CHST15: variants seen among roughly 807,000 people sequenced by gnomAD.
CHST15 encodes the protein carbohydrate sulfotransferase 15, also known as B cell RAG associated protein (GALNAC4S-6ST).
CHST15 carries 30 observed loss-of-function variants against 53.6 expected under a neutral mutation model. The ratio of observed to expected loss-of-function variants is 0.56; its 90% CI spans 0.42 to 0.76. The LOEUF (loss-of-function observed/expected upper bound fraction) is 0.76. Ranked by LOEUF, CHST15 falls within the 30% of genes least tolerant of loss-of-function variation. The pLI is 0.00. For synonymous variants in CHST15, 296 were observed against 289.8 expected (o/e 1.02, Z -0.22); for missense variants, 627 against 740.5 (o/e 0.85, Z 1.78).
chr10:124,022,863 C>T, intron 5 of CHST15, among the ~76,000 whole-genome samples: 1 of 141,558 alleles, frequency 7.1e-6, no homozygotes, highest in African/African-American at 2.7e-5. Context: ...GTCCCCCAGG[C>T]TGGAGTACAG....
chr10:124,069,628 G>A (rs1307857582), intron 1 of CHST15, among the ~76,000 whole-genome samples: 1 of 152,184 alleles, frequency 6.6e-6, no homozygotes, highest in Non-Finnish European at 1.5e-5. Context: ...CGGTTTCACA[G>A]TTTTAAAAAT....
Position 124,021,242 on chromosome 10 carries a change from G to A in CHST15, c.1347+14C>T, listed in dbSNP as rs75589650. On this transcript the variant is annotated intron_variant, in intron 6 of 7. Coordinates refer to ENST00000435907, the MANE Select transcript of CHST15 (RefSeq NM_001270764.2). ...GGGGCCAGCTCGGGGGGTACGGGGGGGGGGGGTACACACAGGCATGGCGTT... is the reference window on the plus strand; with the variant it reads ...GGGGCCAGCTCGGGGGGTACGGGGGAGGGGGGTACACACAGGCATGGCGTT... 45 of 1,555,088 alleles carry A rather than the reference G, an allele frequency of 2.9e-5. 1 individual carries two copies. The highest frequency in any genetic ancestry group is 3.4e-4 in the Middle Eastern group (2 of 5,896).
intron 1 of CHST15, among the ~76,000 whole-genome samples, chr10:124,083,702 C>T (rs903022913): frequency 6.6e-6 from 1 of 152,188 alleles, no homozygotes; most frequent in Non-Finnish European, 1.5e-5. Context: ...TTTCTTCCCC[C>T]TCATTTATTC....
chr10:124,020,154 G>A lies in CHST15; in HGVS notation c.1347+1102C>T, dbSNP rs943792670. 6.1e-6 allele frequency: 6 copies of A among 985,388 alleles called. No individual in the cohort carries two copies. The East Asian group carries it at 5.7e-4, about 93-fold the overall frequency. The allele number at this position is 985,388 out of a possible 1,614,324, so 61.0% of individuals were successfully genotyped here. On this transcript the variant is annotated intron_variant, in intron 6 of 7. Transcript: ENST00000435907. ...CCAGCGTCATGCAGGGGACATAGTGGCAAGAATGAACGCAGGAATGCAAGA... is the reference window on the plus strand; with the variant it reads ...CCAGCGTCATGCAGGGGACATAGTGACAAGAATGAACGCAGGAATGCAAGA...
At chr10:124,030,632 A>G (rs1947190007) in intron 5 of CHST15, among the ~76,000 whole-genome samples, 1 of 152,230 alleles carries the variant, frequency 6.6e-6, no homozygotes, top group Non-Finnish European at 1.5e-5. Flanking sequence ...TGAATCCCTC[A>G]GTGCTAGGAA....
chr10:124,076,502 C>T (rs1724983989), intron 1 of CHST15, among the ~76,000 whole-genome samples: 2 of 152,178 alleles, frequency 1.3e-5, no homozygotes, highest in African/African-American at 4.8e-5. Flanking sequence ...TCCCAGCACA[C>T]CAAGGTGATT....
Position 124,045,757 on chromosome 10 carries a change from A to G in CHST15, c.456T>C (p.Ile152=). ...NISYMKDYPS[I]KLIINSITTR... The stretch of plus-strand genomic sequence containing the variant: ...TTGTGATGCTGTTGATAATTAATTT[A>G]ATGCTTGGATAGTCCTTCATGTATG... Residue 152 remains isoleucine (I), a synonymous_variant, in exon 2 of 8, where the codon ATT becomes ATC. Coordinates refer to ENST00000435907, the MANE Select transcript of CHST15 (RefSeq NM_001270764.2). 6.2e-7 allele frequency: 1 copy of G among 1,614,126 alleles called. No homozygotes were observed. Among genetic ancestry groups the G allele is most frequent in the Non-Finnish European group, 8.5e-7 (1 of 1,180,020 alleles).
At position 124,036,119 on chromosome 10, in the gene CHST15, G is replaced by A. The variant is rs534701766; in HGVS notation, c.1190+2396C>T. On this transcript the variant is annotated intron_variant, in intron 5 of 7. Coordinates refer to ENST00000435907, the MANE Select transcript of CHST15 (RefSeq NM_001270764.2). This position sits in a 1 kb window ranked among gnomAD's most constrained non-coding sequence, Gnocchi z 5.1. ...TTTGATGAGCACACCGAGCACTTGC[G>A]CCCTTCAGCTGGGGGCCGTGTCGGG... 2.0e-5 allele frequency among the ~76,000 whole-genome samples: 3 copies of A among 152,346 alleles called. No homozygotes were observed. The highest frequency in any genetic ancestry group is 7.2e-5 in the African/African-American group (3 of 41,574).
At chr10:124,070,308 T>C (rs753385343) in intron 1 of CHST15, among the ~76,000 whole-genome samples, 2 of 152,226 alleles carry the variant, frequency 1.3e-5, no homozygotes, top group Non-Finnish European at 2.9e-5. Flanking sequence ...AAGGTCAACA[T>C]GAAGGCCATA....
chr10:124,056,633 G>A (rs570906005), intron 1 of CHST15, among the ~76,000 whole-genome samples: 36 of 152,352 alleles, frequency 2.4e-4, no homozygotes, highest in African/African-American at 7.7e-4. Context: ...CTTTGCAGCT[G>A]AGACAATGGA....
chr10:124,062,520 C>T (rs922013290), intron 1 of CHST15, among the ~76,000 whole-genome samples: 2 of 152,158 alleles, frequency 1.3e-5, no homozygotes, highest in African/African-American at 4.8e-5. Flanking sequence ...GCAGTACCGA[C>T]CCCATGGACA....
intron 1 of CHST15, among the ~76,000 whole-genome samples, chr10:124,071,930 C>T (rs1172534075): frequency 6.6e-6 from 1 of 152,248 alleles, no homozygotes; most frequent in Non-Finnish European, 1.5e-5. Context: ...GCTTGTCCAG[C>T]TCCTCAGAGA....
intron 1 of CHST15, among the ~76,000 whole-genome samples, chr10:124,090,770 C>G (rs751984041): frequency 2.0e-5 from 3 of 152,216 alleles, no homozygotes; most frequent in Non-Finnish European, 4.4e-5. Context: ...TCAGACATGG[C>G]GAGCTTTGAT....
At chr10:124,051,852 C>T (rs1948211806) in intron 1 of CHST15, among the ~76,000 whole-genome samples, 1 of 152,148 alleles carries the variant, frequency 6.6e-6, no homozygotes, top group Non-Finnish European at 1.5e-5. Context: ...TAATTGAATG[C>T]CCCCTCAGTG....
At position 124,044,817 on chromosome 10, in the gene CHST15, A is replaced by AGTTGGTGAGGTAGGG; in HGVS notation, c.634_648dup (p.Pro212_Asn216dup). Reference sequence around the variant, plus strand: ...AAGCGCTTGGAGTAGAGCACGTAGGAGTTGGTGAGGTAGGGGTCGGTGGTG... The same window carrying AGTTGGTGAGGTAGGG: ...AAGCGCTTGGAGTAGAGCACGTAGGAGTTGGTGAGGTAGGGGTTGGTGAGGTAGGGGTCGGTGGTG... On this transcript the variant is annotated inframe_insertion, in exon 3 of 8. Coordinates refer to ENST00000435907, the MANE Select transcript of CHST15 (RefSeq NM_001270764.2). 2 of 1,588,092 alleles carry AGTTGGTGAGGTAGGG rather than the reference A, an allele frequency of 1.3e-6. No individual in the cohort carries two copies. The highest frequency in any genetic ancestry group is 1.1e-5 in the South Asian group (1 of 88,452).
At chr10:124,032,594 C>T (rs574307679) in intron 5 of CHST15, among the ~76,000 whole-genome samples, 99 of 152,276 alleles carry the variant, frequency 6.5e-4, no homozygotes, top group African/African-American at 2.2e-3. Context: ...TAGTCTTTAC[C>T]ACTTACGAAT....
intron 5 of CHST15, among the ~76,000 whole-genome samples, chr10:124,038,210 G>A (rs568262406): frequency 9.2e-5 from 14 of 151,540 alleles, no homozygotes; most frequent in African/African-American, 2.7e-4. Context: ...GGATTCAAGC[G>A]ATTCTCCTGC....
intron 5 of CHST15, among the ~76,000 whole-genome samples, chr10:124,028,364 TG>T (rs1191897316): frequency 6.6e-6 from 1 of 152,236 alleles, no homozygotes; most frequent in African/African-American, 2.4e-5. Flanking sequence ...TGGAGAACTC[TG>T]CAGGACCTGG....
rs141388940 is a variant in CHST15 at position 124,040,679 on chromosome 10, A to G, written c.1033+1622T>C. On this transcript the variant is annotated intron_variant, in intron 4 of 7. Coordinates refer to ENST00000435907, the MANE Select transcript of CHST15 (RefSeq NM_001270764.2). ...AGAACTGACCTGGTCCAACAATCCC[A>G]CTTTGCAGAGGTGCAGACAGAGTCC... Among the ~76,000 whole-genome samples the G allele has an allele frequency of 5.5e-3, 841 of 152,308 alleles. 9 individuals carry two copies. Among genetic ancestry groups the G allele is most frequent in the Middle Eastern group, 0.014 (4 of 294 alleles).
Sources: gnomAD v4.1 joint callset for allele counts (sites outside exome capture counted in the v4.1 genomes callset) on GRCh38, gnomAD v4.1.1 for gene constraint, Gnocchi (gnomAD v3.1) non-coding constraint, MANE v1.5 for transcripts, NCBI Gene and HGNC (gene_info 2026-07-23, HGNC 2026-07-21) for gene names.